The following HEATR4 variants were observed in gnomAD, a reference collection of about 807,000 sequenced individuals.
The protein encoded by HEATR4 is HEAT repeat containing 4.
Under a neutral mutation model 108.8 loss-of-function variants are expected in HEATR4, and 95 were observed. The observed-to-expected ratio is 0.87, with a 90% CI of 0.74 to 1.04. The LOEUF is 1.04. Ranked by LOEUF, HEATR4 falls within the 50% of genes least tolerant of loss-of-function variation. The pLI is 0.00. For missense variants in HEATR4, 1,152 were observed against 1,253.8 expected, an observed-to-expected ratio of 0.92 and a Z score of 1.23; for synonymous variants, 443 against 459.4, an observed-to-expected ratio of 0.96 and a Z score of 0.46.
chr14:73,500,730 C>G lies in HEATR4; in HGVS notation c.2106G>C (p.Arg702Ser). The stretch of plus-strand genomic sequence containing the variant: ...GGGAATTTCCTTGACCTAGCTTGAC[C>G]CTGTAAGGCACAAGTTGCTTTCCTT... The part of the protein sequence containing the change: ...SLGKEVHDII[R>S]VKLGQGNSQE... The change falls in exon 12 of 18, where the codon AGG becomes AGC. Residue 702 changes from arginine to serine, a missense_variant and splice_region_variant. Arg to Ser is a moderately radical substitution (Grantham distance 110, BLOSUM62 -1). Coordinates refer to ENST00000553558, the MANE Select transcript of HEATR4 (RefSeq NM_001220484.1). 1 of 1,612,020 alleles carries G rather than the reference C, an allele frequency of 6.2e-7. No homozygotes were observed. The highest frequency in any genetic ancestry group is 1.1e-5 in the South Asian group (1 of 91,020).
At chr14:73,511,633 G>A (rs542361446) in intron 7 of HEATR4, among the ~76,000 whole-genome samples, 1 of 152,196 alleles carries the variant, frequency 6.6e-6, no homozygotes, top group Non-Finnish European at 1.5e-5. Context: ...CCAGCAGTTT[G>A]GGAGGTTAAG....
the HEATR4 span, chr14:73,574,376 T>G: frequency 5.4e-6 from 1 of 184,706 alleles, no homozygotes; most frequent in East Asian, 1.4e-4. Flanking sequence ...TTGATTCTTC[T>G]GCCTCAGCCT....
the HEATR4 span, among the ~76,000 whole-genome samples, chr14:73,565,368 C>T: frequency 6.6e-6 from 1 of 151,456 alleles, no homozygotes; most frequent in Non-Finnish European, 1.5e-5. Flanking sequence ...AAGGTATGAA[C>T]CCTCTCCCTT....
At chr14:73,620,470 G>A in the HEATR4 span, among the ~76,000 whole-genome samples, 10 of 152,140 alleles carry the variant, frequency 6.6e-5, no homozygotes, top group African/African-American at 2.4e-4. Context: ...CTGACCTTTG[G>A]TATTGCTCTG....
At chr14:73,586,701 T>TG in the HEATR4 span, among the ~76,000 whole-genome samples, 11 of 126,734 alleles carry the variant, frequency 8.7e-5, no homozygotes, top group Admixed American at 1.5e-4. Context: ...TGACTCTGTC[T>TG]GAAAAAAAAA....
intron 9 of HEATR4, among the ~76,000 whole-genome samples, chr14:73,507,098 C>T (rs139714851): frequency 0.011 from 1,661 of 152,174 alleles, 38 homozygotes; most frequent in Admixed American, 0.041. Flanking sequence ...CCACCGTGCC[C>T]GGCCTTCTGT....
At chr14:73,579,336 A>G in the HEATR4 span, among the ~76,000 whole-genome samples, 3 of 146,816 alleles carry the variant, frequency 2.0e-5, no homozygotes, top group African/African-American at 7.4e-5. Context: ...CAGCTCTTTG[A>G]GAGGCCAAGG....
At chr14:73,504,869 A>T (rs1886712381) in intron 10 of HEATR4, among the ~76,000 whole-genome samples, 1 of 152,136 alleles carries the variant, frequency 6.6e-6, no homozygotes, top group South Asian at 2.1e-4. Flanking sequence ...TAATGGCAAA[A>T]ACGAAGTGTT....
chr14:73,578,679 C>T, the HEATR4 span, among the ~76,000 whole-genome samples: 15 of 152,076 alleles, frequency 9.9e-5, no homozygotes, highest in Admixed American at 2.6e-4. Flanking sequence ...AGGCCGGGTG[C>T]GGTGGCTTAT....
At chr14:73,564,721 G>GTTTTTTTTT in the HEATR4 span, among the ~76,000 whole-genome samples, 2 of 83,568 alleles carry the variant, frequency 2.4e-5, no homozygotes, top group East Asian at 4.6e-4. Context: ...TATCTTTTCT[G>GTTTTTTTTT]TTTTTTGTTT....
At chr14:73,488,669 T>G (rs2140245109) in intron 17 of HEATR4, among the ~76,000 whole-genome samples, 1 of 152,022 alleles carries the variant, frequency 6.6e-6, no homozygotes, top group East Asian at 1.9e-4. Flanking sequence ...CTTTATAAAT[T>G]ACTCAGTCTC....
the HEATR4 span, among the ~76,000 whole-genome samples, chr14:73,628,860 T>C: frequency 2.6e-5 from 4 of 151,442 alleles, no homozygotes; most frequent in African/African-American, 9.7e-5. Flanking sequence ...GAGACCAGCC[T>C]GGTCAACATG....
chr14:73,633,366 A>G, the HEATR4 span, among the ~76,000 whole-genome samples: 5 of 151,958 alleles, frequency 3.3e-5, no homozygotes, highest in Admixed American at 1.3e-4. Context: ...CTCATCCCCT[A>G]TGTCCCCGCT....
At chr14:73,589,984 C>T in the HEATR4 span, among the ~76,000 whole-genome samples, 10 of 152,152 alleles carry the variant, frequency 6.6e-5, no homozygotes, top group Admixed American at 3.3e-4. Context: ...AGTGAAGCTG[C>T]GGACCTTCGC....
At chr14:73,619,712 A>G in the HEATR4 span, 2 of 1,614,072 alleles carry the variant, frequency 1.2e-6, no homozygotes, top group African/African-American at 1.3e-5. Flanking sequence ...GTTTTGGGTG[A>G]GGCAATATTC....
At chr14:73,597,853 A>G in the HEATR4 span, among the ~76,000 whole-genome samples, 1 of 150,744 alleles carries the variant, frequency 6.6e-6, no homozygotes, top group East Asian at 2.0e-4. Flanking sequence ...CGGCTTCCCA[A>G]AGTGCTGGGA....
chr14:73,559,911 C>A (rs758676629), upstream of HEATR4, among the ~76,000 whole-genome samples: 1 of 151,988 alleles, frequency 6.6e-6, no homozygotes, highest in African/African-American at 2.4e-5. Context: ...AGAAGCTGTC[C>A]GTCGACTTTT....
chr14:73,512,412 A>C (rs748129879), intron 6 of HEATR4, among the ~76,000 whole-genome samples: 1 of 152,134 alleles, frequency 6.6e-6, no homozygotes, highest in Non-Finnish European at 1.5e-5. Flanking sequence ...TTTCGTTGTA[A>C]CCATCTGGGA....
At chr14:73,491,542 G>C in intron 17 of HEATR4, 2 of 1,532,780 alleles carry the variant, frequency 1.3e-6, no homozygotes, top group South Asian at 1.2e-5. Flanking sequence ...TGGATAACAC[G>C]GGTGGGGAGC....
Sources: gnomAD v4.1 joint callset for allele counts (sites outside exome capture counted in the v4.1 genomes callset) on GRCh38, gnomAD v4.1.1 for gene constraint, MANE v1.5 for transcripts, NCBI Gene and HGNC (gene_info 2026-07-23, HGNC 2026-07-21) for gene names.